The following SYNE2 variants were observed in gnomAD, a reference collection of about 807,000 sequenced individuals.
SYNE2 encodes nesprin-2.
A neutral mutation model predicts 856.3 loss-of-function variants in SYNE2; 431 were observed. The ratio of observed to expected loss-of-function variants is 0.50; its 90% confidence interval spans 0.47 to 0.55. The LOEUF (loss-of-function observed/expected upper bound fraction) is 0.55, where lower values mean the gene tolerates loss of function less well. Ranked by LOEUF, SYNE2 falls within the 20% of genes least tolerant of loss-of-function variation. The pLI, the probability that SYNE2 is intolerant of heterozygous loss-of-function variation, is 0.00. For missense variants in SYNE2, 8,129 were observed against 8,023.2 expected, an observed-to-expected ratio of 1.01 and a Z score of -0.50; for synonymous variants, 2,923 against 2,872.3, an observed-to-expected ratio of 1.02 and a Z score of -0.56.
chr14:64,002,650 G>A, intron 29 of SYNE2, 70 bp from the exon 30 acceptor site: 1 of 1,547,322 alleles, frequency 6.5e-7, no homozygotes, highest in Admixed American at 1.9e-5. Context: ...TGCAGTTTGG[G>A]GCTAGTTTCT....
chr14:63,846,862 G>A (rs1051048266), intron 1 of SYNE2, among the ~76,000 whole-genome samples: 1 of 152,062 alleles, frequency 6.6e-6, no homozygotes, highest in Admixed American at 6.5e-5. Context: ...CTCTCGAAGT[G>A]TTGGGATTAT....
At chr14:63,927,193 G>A (rs143854261) in intron 2 of SYNE2, among the ~76,000 whole-genome samples, 1 of 152,332 alleles carries the variant, frequency 6.6e-6, no homozygotes, top group East Asian at 1.9e-4. Context: ...GGGACAGATT[G>A]GAATGGCGCA....
chr14:63,913,002 C>T (rs2095491146), intron 2 of SYNE2, among the ~76,000 whole-genome samples: 2 of 152,056 alleles, frequency 1.3e-5, no homozygotes, highest in South Asian at 2.1e-4. Flanking sequence ...GGCATGAACA[C>T]GACTCACTGC....
intron 1 of SYNE2, among the ~76,000 whole-genome samples, chr14:63,791,572 A>G (rs1311818812): frequency 6.6e-6 from 1 of 152,208 alleles, no homozygotes; most frequent in African/African-American, 2.4e-5. Context: ...TACCAGAACT[A>G]GTTAGCATTA....
At chr14:63,792,813 A>G (rs937843562) in intron 1 of SYNE2, among the ~76,000 whole-genome samples, 8 of 151,870 alleles carry the variant, frequency 5.3e-5, no homozygotes, top group Non-Finnish European at 8.8e-5. Context: ...CCAAGTAGCT[A>G]GGACTACAAG....
rs556633096 is a variant in SYNE2 at position 63,771,829 on chromosome 14, G to A, written c.-305+9843G>A. On this transcript the variant is annotated intron_variant, in intron 1 of 23. Coordinates refer to the SYNE2 transcript ENST00000674003. Reference sequence around the variant, plus strand: ...TGAGAATCACTTGAACCCAAGAGGCGGAGGTTGCAGTGAACCGAGATCACG... The same window carrying A: ...TGAGAATCACTTGAACCCAAGAGGCAGAGGTTGCAGTGAACCGAGATCACG... 5.9e-5 allele frequency among the ~76,000 whole-genome samples: 9 copies of A among 151,982 alleles called. No homozygotes were observed. In the South Asian group the frequency reaches 1.0e-3, roughly 18 times the overall value.
At chr14:64,198,021 C>G (rs1413857272) in intron 99 of SYNE2, among the ~76,000 whole-genome samples, 1 of 152,204 alleles carries the variant, frequency 6.6e-6, no homozygotes, top group East Asian at 1.9e-4. Flanking sequence ...AATAAAGAGC[C>G]TATGCAGGTG....
intron 113 of SYNE2, among the ~76,000 whole-genome samples, chr14:64,224,052 GA>G (rs1293355857): frequency 5.3e-5 from 8 of 151,886 alleles, no homozygotes; most frequent in African/African-American, 1.9e-4. Context: ...GCCCCTTCAG[GA>G]AAGATTTAAG....
intron 71 of SYNE2, 41 bp downstream of exon 71, chr14:64,125,251 A>G (rs1222785207): frequency 1.4e-5 from 22 of 1,612,468 alleles, no homozygotes; most frequent in African/African-American, 2.7e-5. Flanking sequence ...TTGTAATAAC[A>G]TAAACAAAGG....
intron 1 of SYNE2, among the ~76,000 whole-genome samples, chr14:63,778,153 C>T (rs1337139162): frequency 6.6e-6 from 1 of 152,138 alleles, no homozygotes; most frequent in Non-Finnish European, 1.5e-5. Context: ...TTCCCCGCAT[C>T]CTGTTCTCCT....
intron 6 of SYNE2, among the ~76,000 whole-genome samples, chr14:63,943,968 C>T (rs1348073133): frequency 5.3e-5 from 8 of 151,842 alleles, no homozygotes; most frequent in Admixed American, 4.6e-4. Flanking sequence ...CACGCCTGGC[C>T]TGTGTTTTAT....
At position 64,056,024 on chromosome 14, in the gene SYNE2, C is replaced by T. The variant is rs1470499754; in HGVS notation, c.9825C>T (p.Leu3275=). Residue 3275 remains leucine, a synonymous_variant, in exon 49 of 116, where the codon CTC becomes CTT. Transcript: ENST00000555002. ...GGGCAGTGGAGAGCATCACTTCCCTCGAAGCCATCATTATACCCTACAGAG... is the reference window on the plus strand; with the variant it reads ...GGGCAGTGGAGAGCATCACTTCCCTTGAAGCCATCATTATACCCTACAGAG... ...VTRAVESITS[L]EAIIIPYRVD... is the part of the protein sequence containing the mutation. 3.1e-6 allele frequency: 5 copies of T among 1,613,924 alleles called. No individual in the cohort carries two copies. The highest frequency in any genetic ancestry group is 2.2e-5 in the East Asian group (1 of 44,892).
intron 1 of SYNE2, among the ~76,000 whole-genome samples, chr14:63,762,971 C>T (rs1001773382): frequency 3.9e-5 from 6 of 152,004 alleles, no homozygotes; most frequent in Non-Finnish European, 7.4e-5. Flanking sequence ...ACAAGTTTTT[C>T]GTTTTGTTTT....
Position 64,065,420 on chromosome 14 carries a change from T to G in SYNE2, c.10213-12T>G. Reference sequence around the variant, plus strand: ...GTATGTCCCTCTTATTTTTTTTCTTTTCTTTCTTAAGGCCTTGGTGTCAAA... The same window carrying G: ...GTATGTCCCTCTTATTTTTTTTCTTGTCTTTCTTAAGGCCTTGGTGTCAAA... On this transcript the variant is annotated splice_polypyrimidine_tract_variant and intron_variant, in intron 50 of 115. Transcript: ENST00000555002. 6.2e-7 allele frequency: 1 copy of G among 1,613,342 alleles called. No homozygotes were observed. The highest frequency in any genetic ancestry group is 1.7e-4 in the Middle Eastern group (1 of 6,060).
intron 1 of SYNE2, among the ~76,000 whole-genome samples, chr14:63,764,180 A>C (rs1886589371): frequency 6.6e-6 from 1 of 152,230 alleles, no homozygotes; most frequent in South Asian, 2.1e-4. Flanking sequence ...CACAGATAAA[A>C]CTGACATACA....
intron 10 of SYNE2, among the ~76,000 whole-genome samples, chr14:63,965,998 A>C (rs1209267519): frequency 6.6e-6 from 1 of 152,252 alleles, no homozygotes; most frequent in African/African-American, 2.4e-5. Flanking sequence ...TCAGAATTAA[A>C]GTAAATTAAT....
intron 1 of SYNE2, among the ~76,000 whole-genome samples, chr14:63,906,398 C>T (rs1302517089): frequency 6.6e-6 from 1 of 152,092 alleles, no homozygotes; most frequent in East Asian, 1.9e-4. Flanking sequence ...CCTCTTTACA[C>T]TTCTGGTAGA....
chr14:63,951,080 A>T (rs1345556057), intron 7 of SYNE2, among the ~76,000 whole-genome samples: 1 of 151,794 alleles, frequency 6.6e-6, no homozygotes, highest in Non-Finnish European at 1.5e-5. Flanking sequence ...CATTTTAAGC[A>T]GTGTCTGAGA....
rs560730696 is a variant in SYNE2, at chr14:63,777,135, C to G, written c.-305+15149C>G. On this transcript the variant is annotated intron_variant, in intron 1 of 23. Transcript: ENST00000674003. ...AGGAGGTAGGAAATTCTTTATCTAA[C>G]AAATGGGGAAAATCAGTAAGCTATA... Among the ~76,000 whole-genome samples the G allele has an allele frequency of 5.7e-4, 86 of 152,134 alleles. 1 individual carries two copies. Among genetic ancestry groups the G allele is most frequent in the Non-Finnish European group, 8.5e-4 (58 of 68,018 alleles).
Sources: gnomAD v4.1 joint callset for allele counts (sites outside exome capture counted in the v4.1 genomes callset) on GRCh38, gnomAD v4.1.1 for gene constraint, MANE v1.5 for transcripts, NCBI Gene and HGNC (gene_info 2026-07-23, HGNC 2026-07-21) for gene names.